Variants in MGMT observed in about 807,000 individuals in gnomAD.
The protein encoded by MGMT is O-6-methylguanine-DNA methyltransferase.
In MGMT, 14 loss-of-function variants were observed where a neutral mutation model predicts 15.9. The ratio of observed to expected loss-of-function variants is 0.88; its 90% CI spans 0.58 to 1.37. The LOEUF is 1.37. Among genes scored for constraint, MGMT ranks in the 40% most tolerant of loss-of-function variants. The probability of loss-of-function intolerance (pLI) is 0.00; values close to 1 mark genes in which losing one functional copy is unlikely to be tolerated. For synonymous variants in MGMT, 130 were observed against 118.2 expected, an observed-to-expected ratio of 1.10 and a Z score of -0.65; for missense variants, 282 against 268.1, an observed-to-expected ratio of 1.05 and a Z score of -0.36.
chr10:129,670,694 A>C (rs1187402174), intron 2 of MGMT, among the ~76,000 whole-genome samples: 1 of 152,194 alleles, frequency 6.6e-6, no homozygotes. Context: ...CAGACATTAA[A>C]AGATTATGAA....
chr10:129,472,115 C>G (rs1172478325), intron 1 of MGMT, among the ~76,000 whole-genome samples: 1 of 152,136 alleles, frequency 6.6e-6, no homozygotes, highest in Admixed American at 6.5e-5. Flanking sequence ...CCCTCTGGGT[C>G]AAGGCATTTT....
intron 4 of MGMT, among the ~76,000 whole-genome samples, chr10:129,766,586 A>AC (rs1246305899): frequency 6.6e-6 from 1 of 151,950 alleles, no homozygotes; most frequent in African/African-American, 2.4e-5. Flanking sequence ...CCGTGCTGAG[A>AC]CCCCCAGGGA....
chr10:129,645,015 G>T (rs1847370450), intron 2 of MGMT, among the ~76,000 whole-genome samples: 1 of 152,030 alleles, frequency 6.6e-6, no homozygotes, highest in Admixed American at 6.5e-5. Context: ...AATGCACTAA[G>T]CTCAAGTCAG....
At chr10:129,714,565 C>T (rs1011803984) in intron 3 of MGMT, among the ~76,000 whole-genome samples, 5 of 151,878 alleles carry the variant, frequency 3.3e-5, no homozygotes, top group Non-Finnish European at 5.9e-5. Context: ...TACTTCTTAC[C>T]CCTCCTCAAG....
rs1848982735 is a variant in MGMT, at chr10:129,769,914, C to T, written c.*2917C>T. The stretch of plus-strand genomic sequence containing the variant: ...TGCAGAACTTAGGGGCATGAATTTG[C>T]ACTTCCAGATGTGAAGGTTGCAGGC... On this transcript the variant is annotated 3_prime_UTR_variant, in exon 5 of 5. Coordinates refer to ENST00000651593, the MANE Select transcript of MGMT (RefSeq NM_002412.5). Among the ~76,000 whole-genome samples the T allele has an allele frequency of 6.6e-6, 1 of 152,182 alleles. No individual in the cohort carries two copies. The highest frequency in any genetic ancestry group is 1.5e-5 in the Non-Finnish European group (1 of 68,032).
chr10:129,739,586 A>G (rs959594794), intron 3 of MGMT, among the ~76,000 whole-genome samples: 1 of 152,112 alleles, frequency 6.6e-6, no homozygotes, highest in Non-Finnish European at 1.5e-5. Flanking sequence ...ACCAGGTCAG[A>G]GCCCCTACGC....
At chr10:129,534,833 GT>G (rs1845968260) in intron 1 of MGMT, among the ~76,000 whole-genome samples, 1 of 151,886 alleles carries the variant, frequency 6.6e-6, no homozygotes, top group Non-Finnish European at 1.5e-5. Flanking sequence ...CCTTCCAGGG[GT>G]CAGCAGACCT....
intron 3 of MGMT, among the ~76,000 whole-genome samples, chr10:129,738,702 C>T (rs539634753): frequency 6.6e-6 from 1 of 152,328 alleles, no homozygotes; most frequent in South Asian, 2.1e-4. Flanking sequence ...TAGCATGATT[C>T]ACAGCTGAAT....
chr10:129,522,413 A>G (rs1358283851), intron 1 of MGMT, among the ~76,000 whole-genome samples: 1 of 152,066 alleles, frequency 6.6e-6, no homozygotes, highest in African/African-American at 2.4e-5. Context: ...TGACTCCTGG[A>G]CGGTTGCCGG....
intron 2 of MGMT, among the ~76,000 whole-genome samples, chr10:129,643,564 C>T (rs7077796): frequency 0.012 from 1,796 of 152,156 alleles, 44 homozygotes; most frequent in African/African-American, 0.042. Flanking sequence ...TCCAGCGGGG[C>T]GGGACAAGGA....
chr10:129,766,505 C>G (rs898912347), intron 4 of MGMT, among the ~76,000 whole-genome samples: 1 of 152,204 alleles, frequency 6.6e-6, no homozygotes, highest in African/African-American at 2.4e-5. Context: ...TTTCTCCTCC[C>G]AAATCGTGGG....
At chr10:129,529,721 A>G (rs1019565697) in intron 1 of MGMT, among the ~76,000 whole-genome samples, 4 of 152,124 alleles carry the variant, frequency 2.6e-5, no homozygotes, top group Non-Finnish European at 5.9e-5. Flanking sequence ...ATTAACCATC[A>G]TTTGTTTTGC....
At chr10:129,751,748 C>T (rs1848752695) in intron 3 of MGMT, among the ~76,000 whole-genome samples, 1 of 151,892 alleles carries the variant, frequency 6.6e-6, no homozygotes, top group South Asian at 2.1e-4. Context: ...AATTTTCCTT[C>T]AGACTTTCTC....
intron 3 of MGMT, among the ~76,000 whole-genome samples, chr10:129,723,287 CCT>C (rs751306762): frequency 2.0e-5 from 3 of 152,220 alleles, no homozygotes; most frequent in Admixed American, 6.5e-5. Context: ...AACCATTCCC[CCT>C]GAGTCCCCAA....
At chr10:129,765,550 G>A (rs905830296) in intron 4 of MGMT, among the ~76,000 whole-genome samples, 20 of 152,168 alleles carry the variant, frequency 1.3e-4, no homozygotes, top group African/African-American at 4.3e-4. Context: ...GGGTAAAAGC[G>A]AGATTGAAGG....
chr10:129,599,750 A>C (rs1053796117), intron 2 of MGMT, among the ~76,000 whole-genome samples: 5 of 152,190 alleles, frequency 3.3e-5, no homozygotes, highest in Admixed American at 6.5e-5. Flanking sequence ...CAGGGTGTGC[A>C]TATCTTTCTC....
Position 129,565,141 on chromosome 10 carries a change from G to A in MGMT, c.125+28764G>A, listed in dbSNP as rs557908459. Among the ~76,000 whole-genome samples, 4 of 152,330 alleles carry A rather than the reference G, an allele frequency of 2.6e-5. No individual in the cohort carries two copies. In the South Asian group the frequency reaches 6.2e-4, roughly 24 times the overall value. ...GGCGGGGCCGGGGTGTGGCAGGACC[G>A]AAGCCTGCTCCTCGTGTGGGGCCCG... On this transcript the variant is annotated intron_variant, in intron 2 of 4. Transcript: ENST00000651593.
chr10:129,620,249 G>A (rs186408334), intron 2 of MGMT, among the ~76,000 whole-genome samples: 3 of 152,338 alleles, frequency 2.0e-5, no homozygotes, highest in Admixed American at 6.5e-5. Flanking sequence ...AAATATTTAT[G>A]TACTGTAATT....
At chr10:129,560,320 A>G (rs1387534458) in intron 2 of MGMT, among the ~76,000 whole-genome samples, 1 of 152,270 alleles carries the variant, frequency 6.6e-6, no homozygotes. Context: ...TTAAATGTGC[A>G]TTACTGTTTT....
Sources: allele counts gnomAD v4.1 joint callset (sites outside exome capture counted in the v4.1 genomes callset), GRCh38; gene constraint gnomAD v4.1.1; transcripts MANE v1.5; gene names NCBI Gene and HGNC (gene_info 2026-07-23, HGNC 2026-07-21).